Variants in RNF144A observed in about 807,000 individuals in gnomAD.
The protein encoded by RNF144A is E3 ubiquitin-protein ligase RNF144A.
In RNF144A, 11 loss-of-function variants were observed where a neutral mutation model predicts 38.7. That is an observed-to-expected ratio of 0.28 (90% CI 0.18 to 0.47). The LOEUF is 0.47. RNF144A is among the 20% of genes least tolerant of loss of function. RNF144A has a pLI of 0.99. For synonymous variants in RNF144A, 149 were observed against 143.9 expected, an observed-to-expected ratio of 1.04 and a Z score of -0.25; for missense variants, 316 against 377.2, an observed-to-expected ratio of 0.84 and a Z score of 1.34.
At chr2:7,010,934 G>A (rs1433645268) in intron 3 of RNF144A, among the ~76,000 whole-genome samples, 1 of 152,194 alleles carries the variant, frequency 6.6e-6, no homozygotes, top group East Asian at 1.9e-4. Context: ...ACTGGGCTGT[G>A]CGGGTCTCAA....
At chr2:6,924,396 C>G (rs1221285343) in intron 1 of RNF144A, among the ~76,000 whole-genome samples, 1 of 152,244 alleles carries the variant, frequency 6.6e-6, no homozygotes, top group South Asian at 2.1e-4. Flanking sequence ...TGGTTAGAAC[C>G]AAGCGCCTGA....
At chr2:6,968,538 G>A (rs556924088) in intron 2 of RNF144A, among the ~76,000 whole-genome samples, 1 of 152,288 alleles carries the variant, frequency 6.6e-6, no homozygotes, top group South Asian at 2.1e-4. Context: ...CAGTCCTGGG[G>A]GCCTATGCCT....
At chr2:6,942,896 A>C (rs1666101897) in intron 2 of RNF144A, among the ~76,000 whole-genome samples, 1 of 152,208 alleles carries the variant, frequency 6.6e-6, no homozygotes, top group Non-Finnish European at 1.5e-5. Flanking sequence ...AGTCAGGAGA[A>C]TTGCTTGAAC....
At chr2:7,005,312 C>A (rs943335262) in intron 3 of RNF144A, among the ~76,000 whole-genome samples, 3 of 152,182 alleles carry the variant, frequency 2.0e-5, no homozygotes, top group Non-Finnish European at 4.4e-5. Flanking sequence ...CAGGCTGGCT[C>A]CTGGGGTTCC....
At chr2:6,934,652 T>A (rs771299) in intron 1 of RNF144A, among the ~76,000 whole-genome samples, 27,614 of 152,206 alleles carry the variant, frequency 0.18, 3,008 homozygotes, top group Non-Finnish European at 0.24. Context: ...CCCAGCCTAT[T>A]TTTTCCCCAC....
rs527528919 is a variant in RNF144A, at chr2:6,917,516, T to TGCGCGGGCGCGGGGAG, written c.-308_-293dup. ...GCATTGCAGTGCGGGCCGTGCGGGC[T>TGCGCGGGCGCGGGGAG]GCGCGGGCGCGGGGAGGCGCGGGCG... On this transcript the variant is annotated 5_prime_UTR_variant, in exon 1 of 9. Transcript: ENST00000320892. The surrounding 1 kb of genome is among the most constrained non-coding windows in gnomAD (Gnocchi z 4.8). The TGCGCGGGCGCGGGGAG allele has an allele frequency of 2.0e-5, 3 of 147,554 alleles. No individual in the cohort carries two copies. The highest frequency in any genetic ancestry group is 4.5e-5 in the Non-Finnish European group (3 of 66,312). The allele number at this position is 147,554 out of a possible 1,614,324, so 9.1% of individuals were successfully genotyped here.
chr2:6,941,764 T>A lies in RNF144A; in HGVS notation c.-12+617T>A, dbSNP rs1308257269. Among the ~76,000 whole-genome samples, 1 of 152,222 alleles carries A rather than the reference T, an allele frequency of 6.6e-6. No individual in the cohort carries two copies. Among genetic ancestry groups the A allele is most frequent in the African/African-American group, 2.4e-5 (1 of 41,456 alleles). On this transcript the variant is annotated intron_variant, in intron 2 of 8. Coordinates refer to ENST00000320892, the MANE Select transcript of RNF144A (RefSeq NM_014746.6). The surrounding 1 kb of genome is among the most constrained non-coding windows in gnomAD (Gnocchi z 6.5). The stretch of plus-strand genomic sequence containing the variant: ...TAAAGGTGAAATTGAACATGCACTT[T>A]AAGGAGGCGCAGTAACTAGCCACTT...
chr2:7,073,829 C>T, the RNF144A span, among the ~76,000 whole-genome samples: 1 of 152,262 alleles, frequency 6.6e-6, no homozygotes, highest in Non-Finnish European at 1.5e-5. Context: ...ATTCTGCTAG[C>T]TCTTCAACCC....
intron 2 of RNF144A, among the ~76,000 whole-genome samples, chr2:6,954,346 G>A (rs916125730): frequency 1.3e-5 from 2 of 151,546 alleles, no homozygotes; most frequent in African/African-American, 2.4e-5. Flanking sequence ...ATATTTTCCT[G>A]TGTGCACAGA....
chr2:7,059,493 G>A (rs554044947), intron 6 of RNF144A, among the ~76,000 whole-genome samples: 195 of 152,304 alleles, frequency 1.3e-3, no homozygotes, highest in Non-Finnish European at 2.4e-3. Context: ...GGGCATCTAT[G>A]CTCATGTTGT....
intron 2 of RNF144A, among the ~76,000 whole-genome samples, chr2:6,967,707 T>C (rs942979718): frequency 9.9e-5 from 15 of 152,254 alleles, no homozygotes; most frequent in Non-Finnish European, 2.1e-4. Context: ...TACAACTGTT[T>C]CCTTGGCTCA....
chr2:6,978,818 A>G (rs1322568373), intron 2 of RNF144A: 2 of 152,622 alleles, frequency 1.3e-5, no homozygotes, highest in African/African-American at 2.4e-5. Flanking sequence ...TGTGGGGATC[A>G]TCACCACCAT....
chr2:6,974,219 T>C (rs968766839), intron 2 of RNF144A, among the ~76,000 whole-genome samples: 7 of 152,222 alleles, frequency 4.6e-5, no homozygotes, highest in African/African-American at 1.7e-4. Context: ...AGTTGTAGCA[T>C]GATTCTGCAC....
chr2:6,934,858 C>A (rs889914887), intron 1 of RNF144A, among the ~76,000 whole-genome samples: 4 of 152,168 alleles, frequency 2.6e-5, no homozygotes, highest in Non-Finnish European at 5.9e-5. Context: ...TAACCTGTTT[C>A]TTCTTCTGTA....
At chr2:6,971,694 C>G (rs1176318962) in intron 2 of RNF144A, among the ~76,000 whole-genome samples, 1 of 152,110 alleles carries the variant, frequency 6.6e-6, no homozygotes, top group Non-Finnish European at 1.5e-5. Flanking sequence ...TCTGATGTGC[C>G]ATGTATCTGA....
In RNF144A at chr2:7,062,080, C is replaced by T. The variant is rs113994808; in HGVS notation, c.735-6136C>T. 5.9e-3 allele frequency among the ~76,000 whole-genome samples: 897 copies of T among 152,258 alleles called. 5 individuals carry two copies. The highest frequency in any genetic ancestry group is 0.02 in the African/African-American group (836 of 41,542). On this transcript the variant is annotated intron_variant, in intron 6 of 6. Transcript: ENST00000432850. ...ATAACTCAGCCACCTGTGACCAGCT[C>T]GGGGTGGGCTGGGAACCTGGTTCTG...
chr2:6,962,640 A>C lies in RNF144A; in HGVS notation c.-12+21493A>C, dbSNP rs552662014. 2.6e-5 allele frequency among the ~76,000 whole-genome samples: 4 copies of C among 152,330 alleles called. No individual in the cohort carries two copies. The highest frequency in any genetic ancestry group is 9.6e-5 in the African/African-American group (4 of 41,576). On this transcript the variant is annotated intron_variant, in intron 2 of 8. Coordinates refer to ENST00000320892, the MANE Select transcript of RNF144A (RefSeq NM_014746.6). The surrounding 1 kb of genome is among the most constrained non-coding windows in gnomAD (Gnocchi z 4.1). ...ATCAGATTATGGATAAATTCACCGA[A>C]ATAAGGAAAACTTCTAACACTTAGA... is the stretch of plus-strand genomic sequence containing the variant.
intron 6 of RNF144A, among the ~76,000 whole-genome samples, chr2:7,053,850 G>C (rs1298559064): frequency 6.6e-6 from 1 of 152,178 alleles, no homozygotes; most frequent in African/African-American, 2.4e-5. Context: ...TACTTGGCTG[G>C]GAGCCACTGT....
chr2:6,931,152 G>A (rs561957268), intron 1 of RNF144A, among the ~76,000 whole-genome samples: 41 of 152,338 alleles, frequency 2.7e-4, no homozygotes, highest in African/African-American at 9.4e-4. Flanking sequence ...TCCTAGTGCA[G>A]CGGTCGTGGT....
Sources: gnomAD v4.1 joint callset for allele counts (sites outside exome capture counted in the v4.1 genomes callset) on GRCh38, gnomAD v4.1.1 for gene constraint, Gnocchi (gnomAD v3.1) non-coding constraint, MANE v1.5 for transcripts, NCBI Gene and HGNC (gene_info 2026-07-23, HGNC 2026-07-21) for gene names.